The following MID1 variants were observed in gnomAD, a reference collection of about 807,000 sequenced individuals.
The protein encoded by MID1 is E3 ubiquitin-protein ligase Midline-1.
A neutral mutation model predicts 40.4 loss-of-function variants in MID1; 7 were observed. The ratio of observed to expected loss-of-function variants is 0.17; its 90% CI spans 0.10 to 0.33. MID1 has a LOEUF of 0.33. Ranked by LOEUF, MID1 falls within the 10% of genes least tolerant of loss-of-function variation. The pLI, the probability that MID1 is intolerant of heterozygous loss-of-function variation, is 1.00. For missense variants in MID1, 367 were observed against 558.5 expected, an observed-to-expected ratio of 0.66 and a Z score of 3.46; for synonymous variants, 229 against 221.2, an observed-to-expected ratio of 1.04 and a Z score of -0.31.
chrX:10,683,579 G>T (rs1440764903), intron 1 of MID1, among the ~76,000 whole-genome samples: 1 of 109,222 alleles, frequency 9.2e-6, no homozygotes, highest in Non-Finnish European at 1.9e-5. Context: ...GAATCTGGAA[G>T]CTACTGTCTT....
chrX:10,580,342 A>G (rs1934981057), intron 1 of MID1, among the ~76,000 whole-genome samples: 2 of 111,382 alleles, frequency 1.8e-5, no homozygotes, highest in South Asian at 3.8e-4. Flanking sequence ...ACAAAAAGAA[A>G]AACAATTTTC....
At chrX:10,472,655 G>C (rs922643844) in intron 6 of MID1, among the ~76,000 whole-genome samples, 9 of 112,109 alleles carry the variant, frequency 8.0e-5, no homozygotes, top group African/African-American at 2.9e-4. Flanking sequence ...TTCTGATCAA[G>C]CTTTTTGTTT....
chrX:10,743,500 G>C (rs2043539438), intron 1 of MID1, among the ~76,000 whole-genome samples: 1 of 112,062 alleles, frequency 8.9e-6, no homozygotes, highest in Non-Finnish European at 1.9e-5. Flanking sequence ...ACTGTGTTTA[G>C]GGCAGGGAGT....
At chrX:10,802,687 G>T (rs1401327522) in intron 1 of MID1, among the ~76,000 whole-genome samples, 1 of 111,622 alleles carries the variant, frequency 9.0e-6, no homozygotes. Context: ...ATATATCCCA[G>T]GGAAAGGAAA....
intron 4 of MID1, among the ~76,000 whole-genome samples, chrX:10,490,758 G>A (rs1308952521): frequency 8.9e-6 from 1 of 111,843 alleles, no homozygotes; most frequent in East Asian, 2.8e-4. Context: ...GAGATTATTA[G>A]TTCCTGGAAC....
At chrX:10,514,942 C>T (rs907581043) in intron 3 of MID1, among the ~76,000 whole-genome samples, 11 of 111,419 alleles carry the variant, frequency 9.9e-5, no homozygotes, top group African/African-American at 2.9e-4. Context: ...GGGGTCAGAT[C>T]GGGTGGGAAT....
chrX:10,771,120 A>G (rs2043765410), intron 1 of MID1, among the ~76,000 whole-genome samples: 1 of 110,080 alleles, frequency 9.1e-6, no homozygotes, highest in Non-Finnish European at 1.9e-5. Context: ...AAAAAAAAAA[A>G]AGATTCTTTT....
intron 1 of MID1, among the ~76,000 whole-genome samples, chrX:10,604,014 A>G (rs2147524025): frequency 8.9e-6 from 1 of 112,062 alleles, no homozygotes; most frequent in South Asian, 3.8e-4. Context: ...CACTTTGGTA[A>G]GTAAAAGAGA....
chrX:10,788,770 C>T (rs2147138132), intron 1 of MID1, among the ~76,000 whole-genome samples: 1 of 111,709 alleles, frequency 9.0e-6, no homozygotes, highest in Admixed American at 9.5e-5. Context: ...ATTATCAGGC[C>T]CCAAATGCCA....
At chrX:10,449,938 C>T (rs1368565923) in intron 9 of MID1, among the ~76,000 whole-genome samples, 2 of 111,935 alleles carry the variant, frequency 1.8e-5, no homozygotes, top group Admixed American at 9.4e-5. Flanking sequence ...AAAGAAGCGT[C>T]GTATTTACCC....
At chrX:10,650,689 C>T (rs1936308007) in intron 1 of MID1, among the ~76,000 whole-genome samples, 1 of 111,907 alleles carries the variant, frequency 8.9e-6, no homozygotes, top group African/African-American at 3.3e-5. Flanking sequence ...TCCTAAGAAG[C>T]AGGGTGTATA....
At chrX:10,540,914 CAG>C (rs1302061264) in intron 2 of MID1, among the ~76,000 whole-genome samples, 2 of 112,149 alleles carry the variant, frequency 1.8e-5, no homozygotes, top group East Asian at 5.6e-4. Context: ...ACGGTTCCTA[CAG>C]AGTTTGAGAA....
At chrX:10,667,804 C>A (rs766495931) in intron 1 of MID1, among the ~76,000 whole-genome samples, 1 of 111,548 alleles carries the variant, frequency 9.0e-6, no homozygotes, top group South Asian at 3.8e-4. Context: ...GGAACTCATC[C>A]GTGAAGAATA....
intron 1 of MID1, among the ~76,000 whole-genome samples, chrX:10,725,295 C>T (rs896599507): frequency 6.3e-5 from 7 of 111,454 alleles, no homozygotes; most frequent in Non-Finnish European, 1.3e-4. Context: ...TTGCATCTCT[C>T]AATTTCCCCA....
At chrX:10,581,441 G>C (rs1323067168) in intron 1 of MID1, among the ~76,000 whole-genome samples, 7 of 111,424 alleles carry the variant, frequency 6.3e-5, no homozygotes, top group African/African-American at 2.3e-4. Context: ...CCTTATCTGA[G>C]AGCAATCTTA....
At chrX:10,646,602 T>C (rs1936264815) in intron 1 of MID1, among the ~76,000 whole-genome samples, 1 of 111,656 alleles carries the variant, frequency 9.0e-6, no homozygotes, top group Non-Finnish European at 1.9e-5. Flanking sequence ...GAGAAAAATG[T>C]CTGAGAAGCA....
At chrX:10,716,840 G>A (rs1408905713) in intron 1 of MID1, among the ~76,000 whole-genome samples, 5 of 112,023 alleles carry the variant, frequency 4.5e-5, no homozygotes, top group African/African-American at 1.6e-4. Context: ...ACTAACAGCT[G>A]ATCTCTCGGC....
intron 1 of MID1, among the ~76,000 whole-genome samples, chrX:10,727,686 C>T (rs990950787): frequency 1.2e-4 from 13 of 111,455 alleles, no homozygotes; most frequent in South Asian, 3.8e-4. Context: ...CAGACTCTAA[C>T]TGACTTCTAC....
chrX:10,816,409 T>G (rs1485125346), intron 1 of MID1, among the ~76,000 whole-genome samples: 1 of 112,332 alleles, frequency 8.9e-6, no homozygotes, highest in African/African-American at 3.2e-5. Context: ...TGTAATTTCC[T>G]CGGAGGCAGG....
Sources: allele counts gnomAD v4.1 joint callset (sites outside exome capture counted in the v4.1 genomes callset), GRCh38; gene constraint gnomAD v4.1.1; transcripts MANE v1.5; gene names NCBI Gene and HGNC (gene_info 2026-07-23, HGNC 2026-07-21).